The following UNC13C variants were observed in gnomAD, a reference collection of about 807,000 sequenced individuals.
The protein encoded by UNC13C is unc-13 homolog C.
UNC13C carries 174 observed loss-of-function variants against 245.4 expected under a neutral mutation model. The ratio of observed to expected loss-of-function variants is 0.71; its 90% CI spans 0.63 to 0.80. The LOEUF is 0.80. UNC13C is among the 30% of genes least tolerant of loss of function. The pLI is 0.00. For synonymous variants in UNC13C, 992 were observed against 895.1 expected, an observed-to-expected ratio of 1.11 and a Z score of -1.93; for missense variants, 2,829 against 2,602.9, an observed-to-expected ratio of 1.09 and a Z score of -1.89.
At chr15:54,240,198 A>T (rs908310149) in intron 7 of UNC13C, among the ~76,000 whole-genome samples, 4 of 152,186 alleles carry the variant, frequency 2.6e-5, no homozygotes. Context: ...GGATGAACAG[A>T]ATCCATCAGT....
chr15:54,147,064 G>A (rs1199476609), intron 4 of UNC13C, among the ~76,000 whole-genome samples: 1 of 152,170 alleles, frequency 6.6e-6, no homozygotes, highest in African/African-American at 2.4e-5. Flanking sequence ...TGGGGAGGGT[G>A]TAGCCTTGGG....
chr15:54,618,501 CAAATCCATAGGAAATGG>C (rs1277745810), intron 30 of UNC13C, among the ~76,000 whole-genome samples: 1 of 152,134 alleles, frequency 6.6e-6, no homozygotes, highest in Non-Finnish European at 1.5e-5. Flanking sequence ...TTTCCATATT[CAAATCCATAGGAAATGG>C]AAATATAGGC....
chr15:54,178,298 C>T (rs963751218), intron 4 of UNC13C, among the ~76,000 whole-genome samples: 2 of 151,932 alleles, frequency 1.3e-5, no homozygotes, highest in Non-Finnish European at 2.9e-5. Flanking sequence ...ATCTTCTCTC[C>T]ACATGATCTT....
intron 2 of UNC13C, among the ~76,000 whole-genome samples, chr15:54,068,287 T>A (rs1898163064): frequency 6.6e-6 from 1 of 152,180 alleles, no homozygotes; most frequent in Non-Finnish European, 1.5e-5. Flanking sequence ...AGATGAAGAC[T>A]CAAACCCAAA....
the UNC13C span, among the ~76,000 whole-genome samples, chr15:53,883,624 A>G: frequency 6.6e-6 from 1 of 152,226 alleles, no homozygotes; most frequent in Non-Finnish European, 1.5e-5. Flanking sequence ...TATTTAATGC[A>G]GACAAAGCAT....
intron 4 of UNC13C, among the ~76,000 whole-genome samples, chr15:54,160,288 G>C (rs1365843460): frequency 6.6e-6 from 1 of 151,040 alleles, no homozygotes; most frequent in Non-Finnish European, 1.5e-5. Flanking sequence ...TTGAGATTCA[G>C]ATCTACAGAA....
intron 19 of UNC13C, among the ~76,000 whole-genome samples, chr15:54,480,794 G>A (rs920938663): frequency 1.3e-5 from 2 of 151,948 alleles, no homozygotes; most frequent in Non-Finnish European, 2.9e-5. Flanking sequence ...TATTTCTTGG[G>A]TTCTTGCATT....
intron 17 of UNC13C, among the ~76,000 whole-genome samples, chr15:54,390,105 T>G (rs770794627): frequency 8.9e-4 from 136 of 152,206 alleles, no homozygotes; most frequent in Non-Finnish European, 1.5e-3. Flanking sequence ...GTTTCACAAT[T>G]ACATGTTTAT....
At chr15:54,116,010 G>C (rs1222843393) in intron 2 of UNC13C, among the ~76,000 whole-genome samples, 1 of 151,980 alleles carries the variant, frequency 6.6e-6, no homozygotes. Context: ...TTTTAATTGA[G>C]ATAAAATATA....
chr15:54,412,080 C>T (rs1483397788), intron 18 of UNC13C, among the ~76,000 whole-genome samples: 1 of 151,966 alleles, frequency 6.6e-6, no homozygotes, highest in African/African-American at 2.4e-5. Context: ...AAGGTGCACA[C>T]CTGTAGTCCC....
intron 2 of UNC13C, among the ~76,000 whole-genome samples, chr15:54,078,924 T>C (rs1222791107): frequency 6.6e-6 from 1 of 152,192 alleles, no homozygotes; most frequent in African/African-American, 2.4e-5. Flanking sequence ...GATTTTATTC[T>C]AGAATTTTTA....
chr15:54,292,856 C>A (rs75614766), intron 10 of UNC13C, among the ~76,000 whole-genome samples: 5,521 of 148,688 alleles, frequency 0.037, 126 homozygotes, highest in East Asian at 0.075. Flanking sequence ...CTTCCTCTCT[C>A]TATATATTAT....
At chr15:54,615,834 A>C in intron 30 of UNC13C, among the ~76,000 whole-genome samples, 1 of 152,034 alleles carries the variant, frequency 6.6e-6, no homozygotes, top group East Asian at 1.9e-4. Flanking sequence ...GGATTCCAAA[A>C]GACAAGCTAG....
the UNC13C span, among the ~76,000 whole-genome samples, chr15:53,870,045 A>G: frequency 6.6e-6 from 1 of 152,334 alleles, no homozygotes; most frequent in Middle Eastern, 3.4e-3. Flanking sequence ...TCTATATTCT[A>G]TAACTTCATT....
chr15:53,887,671 C>A, the UNC13C span, among the ~76,000 whole-genome samples: 2 of 152,054 alleles, frequency 1.3e-5, no homozygotes, highest in Non-Finnish European at 2.9e-5. Flanking sequence ...ACCCTTCAAC[C>A]CACATACATT....
chr15:54,088,249 G>C (rs1899359404), intron 2 of UNC13C, among the ~76,000 whole-genome samples: 1 of 118,784 alleles, frequency 8.4e-6, no homozygotes, highest in Admixed American at 1.1e-4. Context: ...CAATCAGCCA[G>C]TTCATCTCCT....
intron 17 of UNC13C, among the ~76,000 whole-genome samples, chr15:54,364,179 A>G (rs915984058): frequency 6.6e-6 from 1 of 152,202 alleles, no homozygotes; most frequent in African/African-American, 2.4e-5. Flanking sequence ...GTAGAAAAAT[A>G]AATCCATGTG....
chr15:54,192,006 C>A (rs746280154), intron 4 of UNC13C, among the ~76,000 whole-genome samples: 7 of 151,906 alleles, frequency 4.6e-5, no homozygotes, highest in Admixed American at 2.6e-4. Flanking sequence ...GGTTGCCTAT[C>A]CACTCTGATG....
chr15:54,175,591 C>A (rs2033583492), intron 4 of UNC13C, among the ~76,000 whole-genome samples: 1 of 147,518 alleles, frequency 6.8e-6, no homozygotes, highest in Non-Finnish European at 1.5e-5. Flanking sequence ...CGGCTCACTG[C>A]AAGCTCCGCC....
Sources: gnomAD v4.1 joint callset for allele counts (sites outside exome capture counted in the v4.1 genomes callset) on GRCh38, gnomAD v4.1.1 for gene constraint, MANE v1.5 for transcripts, NCBI Gene and HGNC (gene_info 2026-07-23, HGNC 2026-07-21) for gene names.